The following INTS7 variants were observed in gnomAD, a reference collection of about 807,000 sequenced individuals.
INTS7 encodes chromosome 1 open reading frame 73.
In INTS7, 46 loss-of-function variants were observed where a neutral mutation model predicts 109.2. That is an observed-to-expected ratio of 0.42 (90% CI 0.33 to 0.54). The LOEUF is 0.54. Ranked by LOEUF, INTS7 falls within the 20% of genes least tolerant of loss-of-function variation. INTS7 has a pLI of 0.07. For missense variants in INTS7, 929 were observed against 1,132.4 expected (o/e 0.82, Z 2.58); for synonymous variants, 412 against 402.9 (o/e 1.02, Z -0.27).
At chr1:211,998,149 G>A (rs1665495555) in intron 7 of INTS7, among the ~76,000 whole-genome samples, 1 of 152,038 alleles carries the variant, frequency 6.6e-6, no homozygotes, top group Non-Finnish European at 1.5e-5. Context: ...TTTTTTTGTA[G>A]AGACAGGGTC....
At chr1:212,021,021 C>T (rs1396006754) in intron 2 of INTS7, 62 bp downstream of exon 2, 2 of 1,468,556 alleles carry the variant, frequency 1.4e-6, no homozygotes, top group African/African-American at 1.4e-5. Context: ...AAAAAGACCA[C>T]AATATAAAAC....
At chr1:211,988,152 G>A in intron 7 of INTS7, 149 bp from the exon 8 acceptor site, 1 of 500,826 alleles carries the variant, frequency 2.0e-6, no homozygotes, top group East Asian at 3.5e-5. Context: ...GCCAGGTGCA[G>A]TGGCTCATTC....
At chr1:212,025,246 C>T (rs1666867087) in intron 1 of INTS7, among the ~76,000 whole-genome samples, 1 of 152,176 alleles carries the variant, frequency 6.6e-6, no homozygotes, top group Non-Finnish European at 1.5e-5. Context: ...ACTTAACTTA[C>T]TGTATCATTC....
intron 16 of INTS7, 42 bp downstream of exon 16, chr1:211,966,387 GA>G: frequency 9.2e-7 from 1 of 1,087,574 alleles, no homozygotes; most frequent in Non-Finnish European, 1.4e-6. Context: ...ACAATGTATA[GA>G]AAGTGTTCTG....
chr1:211,975,592 T>C (rs1237031154), intron 12 of INTS7, among the ~76,000 whole-genome samples: 1 of 152,226 alleles, frequency 6.6e-6, no homozygotes, highest in Non-Finnish European at 1.5e-5. Context: ...TGAAATTCTT[T>C]ACTAAAACAG....
chr1:212,001,838 C>T (rs1205860198), intron 7 of INTS7, among the ~76,000 whole-genome samples: 1 of 152,116 alleles, frequency 6.6e-6, no homozygotes, highest in Non-Finnish European at 1.5e-5. Flanking sequence ...CTTTTCAGGC[C>T]CCTTTGCTGG....
In INTS7 at chr1:212,035,520, T is replaced by C. The variant is rs1667404862; in HGVS notation, c.-83A>G. 4 of 1,098,814 alleles carry C rather than the reference T, an allele frequency of 3.6e-6. No individual in the cohort carries two copies. The highest frequency in any genetic ancestry group is 5.6e-6 in the Non-Finnish European group (4 of 718,134). 68.1% of individuals were successfully genotyped at this position (1,098,814 alleles called of 1,614,324 possible). A position where few individuals can be genotyped will look rare whatever the true frequency, so the allele number is the denominator to read the frequency against. ...CCGCCATCTTCCCCCGCCGCCTTCT[T>C]GCTGGTTTTTCTTCCGCGCGCTGTC... On this transcript the variant is annotated 5_prime_UTR_variant, in exon 1 of 20. Transcript: ENST00000366994.
chr1:211,984,314 CT>C (rs1201032013), intron 8 of INTS7, among the ~76,000 whole-genome samples: 2 of 151,690 alleles, frequency 1.3e-5, no homozygotes, highest in African/African-American at 4.8e-5. Flanking sequence ...CTTGTTTTTT[CT>C]TTGTTTTATT....
chr1:212,011,355 AC>A lies in INTS7; in HGVS notation c.556+19del, dbSNP rs1402016119. The stretch of plus-strand genomic sequence containing the variant: ...AAATCTAATTAAGTCACTTCATAAT[AC>A]TAAATGAAGAATACATACCTTGAAT... On this transcript the variant is annotated intron_variant, in intron 5 of 19. Transcript: ENST00000366994. The A allele has an allele frequency of 9.5e-6, 13 of 1,365,448 alleles. No individual in the cohort carries two copies. In the East Asian group the frequency reaches 3.0e-4, roughly 31 times the overall value. The allele number at this position is 1,365,448 out of a possible 1,614,324, so 84.6% of individuals were successfully genotyped here.
intron 1 of INTS7, among the ~76,000 whole-genome samples, chr1:212,033,757 A>G (rs1667275693): frequency 6.6e-6 from 1 of 152,152 alleles, no homozygotes; most frequent in African/African-American, 2.4e-5. Context: ...TAAGAAAGAA[A>G]TGTATCAGAA....
chr1:211,968,703 G>C lies in INTS7; in HGVS notation c.1820C>G (p.Ala607Gly), dbSNP rs758563293. 3.2e-6 allele frequency: 5 copies of C among 1,559,504 alleles called. No homozygotes were observed. The Admixed American group carries it at 5.9e-5, about 18-fold the overall frequency. ...YHKGIASLTA[A>G]STPLNPLSFQ... ...GCTTAAAGGATTCAGTGGTGTACTAGCTGCCTGGGAAAAAAAAAAAAAAGA... is the reference window on the plus strand; with the variant it reads ...GCTTAAAGGATTCAGTGGTGTACTACCTGCCTGGGAAAAAAAAAAAAAAGA... The change falls in exon 14 of 20, where the codon GCT (alanine) becomes GGT (glycine). Residue 607 changes from alanine to glycine, a missense_variant. Coordinates refer to ENST00000366994, the MANE Select transcript of INTS7 (RefSeq NM_015434.4).
At chr1:211,954,839 C>T (rs145700866) in intron 16 of INTS7, among the ~76,000 whole-genome samples, 1,695 of 152,258 alleles carry the variant, frequency 0.011, 31 homozygotes, top group African/African-American at 0.038. Context: ...GTGATGCCTC[C>T]GGCTTTGTTC....
intron 10 of INTS7, 42 bp downstream of exon 10, chr1:211,981,051 A>T (rs1466576019): frequency 8.0e-7 from 1 of 1,248,050 alleles, no homozygotes; most frequent in Admixed American, 1.8e-5. Flanking sequence ...GCCTAAGACC[A>T]TCATATATAT....
rs375026034 is a variant in INTS7, at chr1:212,016,989, T to C, written c.406A>G (p.Arg136Gly). Residue 136 changes from arginine (R) to glycine (G), a missense_variant, in exon 4 of 20, where the codon AGG becomes GGG. By Grantham distance (125) the Arg-to-Gly change is moderately radical. This residue lies in a region of INTS7 where 142 missense variants were observed against 231.4 expected (regional missense o/e 0.61). Transcript: ENST00000366994. ...CGAATACTATGATGAGCATTCTTCC[T>C]CTCAGGAATTATTGATGCCAGACTT... The part of the protein sequence containing the change: ...LGSLASIIPE[R>G]KNAHHSIRQS... 178 of 1,600,342 alleles carry C rather than the reference T, an allele frequency of 1.1e-4. No homozygotes were observed. Among genetic ancestry groups the C allele is most frequent in the Non-Finnish European group, 1.4e-4 (165 of 1,174,568 alleles).
chr1:211,965,444 T>C (rs775119391), intron 16 of INTS7, among the ~76,000 whole-genome samples: 24 of 152,174 alleles, frequency 1.6e-4, no homozygotes, highest in Non-Finnish European at 1.0e-4. Context: ...ATCCCATAAC[T>C]GTGTATATAC....
In INTS7 at chr1:211,978,435, G is replaced by C. The variant is rs375100356; in HGVS notation, c.1307C>G (p.Thr436Ser). The change falls in exon 11 of 20, where the codon ACT (threonine) becomes AGT (serine). Residue 436 changes from threonine to serine, a missense_variant. This residue lies in a region of INTS7 where 787 missense variants were observed against 901.1 expected (regional missense o/e 0.87). Coordinates refer to ENST00000366994, the MANE Select transcript of INTS7 (RefSeq NM_015434.4). Reference protein sequence around the residue: ...LSQSVVETLLTQLHSAQDAAR... With the variant: ...LSQSVVETLLSQLHSAQDAAR... ...AGCGTCTTGAGCACTGTGCAATTGAGTCAACAAGGTCTCAACTACTGACTG... is the reference window on the plus strand; with the variant it reads ...AGCGTCTTGAGCACTGTGCAATTGACTCAACAAGGTCTCAACTACTGACTG... 1 of 1,614,068 alleles carries C rather than the reference G, an allele frequency of 6.2e-7. No homozygotes were observed. Among genetic ancestry groups the C allele is most frequent in the Non-Finnish European group, 8.5e-7 (1 of 1,180,046 alleles).
chr1:212,007,225 G>A, intron 6 of INTS7, 25 bp downstream of exon 6: 3 of 1,494,762 alleles, frequency 2.0e-6, no homozygotes, highest in Non-Finnish European at 1.9e-6. Context: ...CCAAAGATAG[G>A]CAGTTTAAAG....
chr1:212,014,754 G>A (rs1222594972), intron 4 of INTS7, among the ~76,000 whole-genome samples: 5 of 152,058 alleles, frequency 3.3e-5, no homozygotes, highest in East Asian at 1.9e-4. Context: ...CGTGTTGGCC[G>A]GGCTGGTCTC....
At chr1:212,020,815 CAG>C (rs1162610333) in intron 2 of INTS7, 2 of 827,100 alleles carry the variant, frequency 2.4e-6, no homozygotes, top group African/African-American at 3.6e-5. Context: ...TACAAAGACA[CAG>C]ATTTTCCTGA....
Sources: allele counts gnomAD v4.1 joint callset (sites outside exome capture counted in the v4.1 genomes callset), GRCh38; gene constraint gnomAD v4.1.1; regional missense constraint gnomAD v4.1.1; transcripts MANE v1.5; gene names NCBI Gene and HGNC (gene_info 2026-07-23, HGNC 2026-07-21).